Variants in KDM1B observed in about 807,000 individuals in gnomAD.
The protein encoded by KDM1B is lysine-specific histone demethylase 2.
Under a neutral mutation model 107.4 loss-of-function variants are expected in KDM1B, and 63 were observed. The ratio of observed to expected loss-of-function variants is 0.59; its 90% CI spans 0.48 to 0.72. The LOEUF is 0.72. Among genes scored for constraint, KDM1B ranks in the 30% least tolerant of loss-of-function variants. The probability of loss-of-function intolerance (pLI) is 0.00; values close to 1 mark genes in which losing one functional copy is unlikely to be tolerated. For missense variants in KDM1B, 749 were observed against 1,020.8 expected, an observed-to-expected ratio of 0.73 and a Z score of 3.63; for synonymous variants, 363 against 363.9, an observed-to-expected ratio of 1.00 and a Z score of 0.03.
rs1474498469 is a variant in KDM1B, at chr6:18,204,416, G to C, written c.1532-1121G>C. Among the ~76,000 whole-genome samples, 1 of 152,160 alleles carries C rather than the reference G, an allele frequency of 6.6e-6. No individual in the cohort carries two copies. Among genetic ancestry groups the C allele is most frequent in the Non-Finnish European group, 1.5e-5 (1 of 68,022 alleles). On this transcript the variant is annotated intron_variant, in intron 14 of 21. Coordinates refer to ENST00000650836, the MANE Select transcript of KDM1B (RefSeq NM_001364614.2). The surrounding 1 kb of genome is among the most constrained non-coding windows in gnomAD (Gnocchi z 4.9). ...TGGAGCCCCGGAAGTTGAGGCTGCAGTGAGTCGGAATGGCACCACAGCACT... is the reference window on the plus strand; with the variant it reads ...TGGAGCCCCGGAAGTTGAGGCTGCACTGAGTCGGAATGGCACCACAGCACT...
chr6:18,175,941 G>T (rs899006204), intron 7 of KDM1B, among the ~76,000 whole-genome samples: 3 of 152,060 alleles, frequency 2.0e-5, no homozygotes, highest in African/African-American at 7.2e-5. Context: ...TCTTGCTTTG[G>T]CTATGCGGGC....
At chr6:18,165,128 A>T (rs200413937) in intron 5 of KDM1B, among the ~76,000 whole-genome samples, 188 of 81,524 alleles carry the variant, frequency 2.3e-3, no homozygotes, top group African/African-American at 2.4e-3. Context: ...GCCTTCTCTG[A>T]TTTTTTTTTT....
In KDM1B at chr6:18,203,551, T is replaced by C. The variant is rs1788178221; in HGVS notation, c.1531+1894T>C. ...TGCACTAAAGCTGTTTTAAATATTA[T>C]TTACATAAAAATCACACTGTGCTGG... On this transcript the variant is annotated intron_variant, in intron 14 of 21. Coordinates refer to ENST00000650836, the MANE Select transcript of KDM1B (RefSeq NM_001364614.2). This position sits in a 1 kb window ranked among gnomAD's most constrained non-coding sequence, Gnocchi z 5.5. 6.6e-6 allele frequency among the ~76,000 whole-genome samples: 1 copy of C among 152,144 alleles called. No individual in the cohort carries two copies. Among genetic ancestry groups the C allele is most frequent in the Admixed American group, 6.6e-5 (1 of 15,266 alleles).
At chr6:18,184,183 T>A (rs1219120468) in intron 7 of KDM1B, among the ~76,000 whole-genome samples, 1 of 152,042 alleles carries the variant, frequency 6.6e-6, no homozygotes, top group African/African-American at 2.4e-5. Flanking sequence ...CTTTTCTGAC[T>A]TACAATCATA....
chr6:18,161,287 A>T, intron 3 of KDM1B, 40 bp from the exon 4 acceptor site: 2 of 1,606,136 alleles, frequency 1.2e-6, no homozygotes, highest in Non-Finnish European at 1.7e-6. Flanking sequence ...TCATTTTGCC[A>T]TCATCAGTGA....
chr6:18,161,466 T>C lies in KDM1B; in HGVS notation c.215+12T>C. On this transcript the variant is annotated intron_variant, in intron 4 of 21. Coordinates refer to ENST00000650836, the MANE Select transcript of KDM1B (RefSeq NM_001364614.2). ...AGTGCTTCTGAAAGGTCTGTTTAGA[T>C]GTGTGTCTTGGCCTCCCATTTCTGC... is the stretch of plus-strand genomic sequence containing the variant. 6.2e-7 allele frequency: 1 copy of C among 1,613,420 alleles called. No individual in the cohort carries two copies. The highest frequency in any genetic ancestry group is 1.1e-5 in the South Asian group (1 of 91,000).
Position 18,212,824 on chromosome 6 carries a change from G to C in KDM1B, c.1983+220G>C, listed in dbSNP as rs775064024. ...CTGTGAGTTTTGACTTTAGGAGAAAGAATCTTGTTATTCACAATTTGAATT... is the reference window on the plus strand; with the variant it reads ...CTGTGAGTTTTGACTTTAGGAGAAACAATCTTGTTATTCACAATTTGAATT... On this transcript the variant is annotated intron_variant, in intron 18 of 21. Coordinates refer to ENST00000650836, the MANE Select transcript of KDM1B (RefSeq NM_001364614.2). This position sits in a 1 kb window ranked among gnomAD's most constrained non-coding sequence, Gnocchi z 5.2. 5.3e-5 allele frequency among the ~76,000 whole-genome samples: 8 copies of C among 152,178 alleles called. No individual in the cohort carries two copies. The highest frequency in any genetic ancestry group is 1.0e-4 in the Non-Finnish European group (7 of 68,020).
rs532197757 is a variant in KDM1B, at chr6:18,222,329, T to C, written c.*337T>C. ...CTTTAGATTTCACATTTTATATGGCTGATCAATTTTCATACATTGAGAAAC... is the reference window on the plus strand; with the variant it reads ...CTTTAGATTTCACATTTTATATGGCCGATCAATTTTCATACATTGAGAAAC... On this transcript the variant is annotated 3_prime_UTR_variant, in exon 22 of 22. Coordinates refer to ENST00000650836, the MANE Select transcript of KDM1B (RefSeq NM_001364614.2). 2.9e-3 allele frequency: 1,079 copies of C among 372,964 alleles called. 1 individual carries two copies. The highest frequency in any genetic ancestry group is 4.0e-3 in the Non-Finnish European group (780 of 193,862). 23.1% of individuals were successfully genotyped at this position (372,964 alleles called of 1,614,324 possible). A position where few individuals can be genotyped will look rare whatever the true frequency, so the allele number is the denominator to read the frequency against.
At chr6:18,156,620 C>A (rs763391702) in intron 2 of KDM1B, among the ~76,000 whole-genome samples, 1 of 151,970 alleles carries the variant, frequency 6.6e-6, no homozygotes, top group Non-Finnish European at 1.5e-5. Context: ...AATATTGAAT[C>A]ATTGAACTGC....
At chr6:18,173,738 A>G (rs971294658) in intron 7 of KDM1B, among the ~76,000 whole-genome samples, 2 of 152,106 alleles carry the variant, frequency 1.3e-5, no homozygotes, top group Non-Finnish European at 2.9e-5. Context: ...ACCGTTTGCT[A>G]AAAAGACTGT....
chr6:18,190,295 TAAAAAC>T (rs972245730), intron 9 of KDM1B, among the ~76,000 whole-genome samples: 6 of 151,072 alleles, frequency 4.0e-5, no homozygotes, highest in Non-Finnish European at 8.9e-5. Context: ...ACTGTACACT[TAAAAAC>T]AGATAAGAAG....
Position 18,197,774 on chromosome 6 carries a change from A to T in KDM1B, c.1221+113A>T. The stretch of plus-strand genomic sequence containing the variant: ...TTTAGTGAAGAATACTAAATACATT[A>T]TATGTTTATATTAGGTCCTAGAAAA... On this transcript the variant is annotated intron_variant, in intron 12 of 21. Transcript: ENST00000650836. This position sits in a 1 kb window ranked among gnomAD's most constrained non-coding sequence, Gnocchi z 4.5. The T allele has an allele frequency of 1.5e-6, 1 of 656,898 alleles. No individual in the cohort carries two copies. Among genetic ancestry groups the T allele is most frequent in the Admixed American group, 3.2e-5 (1 of 31,308 alleles). 40.7% of individuals were successfully genotyped at this position (656,898 alleles called of 1,614,324 possible).
intron 21 of KDM1B, among the ~76,000 whole-genome samples, chr6:18,219,308 T>A (rs567769842): frequency 2.1e-4 from 32 of 152,356 alleles, no homozygotes; most frequent in Admixed American, 2.0e-3. Flanking sequence ...TGATTTCTGA[T>A]CCTTTTACTT....
intron 6 of KDM1B, among the ~76,000 whole-genome samples, chr6:18,169,831 A>G (rs548238738): frequency 2.0e-5 from 3 of 152,286 alleles, no homozygotes; most frequent in African/African-American, 7.2e-5. Context: ...TAGGGTGTCT[A>G]ACTTCATTCT....
intron 7 of KDM1B, among the ~76,000 whole-genome samples, chr6:18,173,090 C>CA (rs70974708): frequency 0.15 from 18,876 of 126,258 alleles, 1,324 homozygotes; most frequent in South Asian, 0.21. Context: ...AACTCCATCT[C>CA]AAAAAAAAAA....
intron 15 of KDM1B, among the ~76,000 whole-genome samples, chr6:18,206,095 G>T (rs1309871008): frequency 1.3e-5 from 2 of 151,798 alleles, no homozygotes; most frequent in African/African-American, 4.8e-5. Context: ...TTAAAAGTTT[G>T]AAAACCATGA....
Position 18,191,795 on chromosome 6 carries a change from A to G in KDM1B, c.969+414A>G, listed in dbSNP as rs542263715. On this transcript the variant is annotated intron_variant, in intron 10 of 21. Transcript: ENST00000650836. This position sits in a 1 kb window ranked among gnomAD's most constrained non-coding sequence, Gnocchi z 5.1. The stretch of plus-strand genomic sequence containing the variant: ...GGAAAAACATCAAAGATTGAATTAC[A>G]TACAAATCCTTGAGGACAGGAATTT... Among the ~76,000 whole-genome samples, 1 of 152,322 alleles carries G rather than the reference A, an allele frequency of 6.6e-6. No individual in the cohort carries two copies. Among genetic ancestry groups the G allele is most frequent in the African/African-American group, 2.4e-5 (1 of 41,574 alleles).
At chr6:18,170,735 C>T (rs1785598146) in intron 6 of KDM1B, among the ~76,000 whole-genome samples, 1 of 152,152 alleles carries the variant, frequency 6.6e-6, no homozygotes, top group African/African-American at 2.4e-5. Flanking sequence ...CTGCCTCAGC[C>T]TCCTAAAGTG....
At chr6:18,218,987 C>T (rs1231578390) in intron 21 of KDM1B, among the ~76,000 whole-genome samples, 1 of 152,172 alleles carries the variant, frequency 6.6e-6, no homozygotes, top group Non-Finnish European at 1.5e-5. Context: ...ACTGCAAGCT[C>T]TGCCTCCTGG....
Sources: allele counts gnomAD v4.1 joint callset (sites outside exome capture counted in the v4.1 genomes callset), GRCh38; gene constraint gnomAD v4.1.1; non-coding constraint Gnocchi (gnomAD v3.1); transcripts MANE v1.5; gene names NCBI Gene and HGNC (gene_info 2026-07-23, HGNC 2026-07-21).